The following CSMD1 variants were observed in gnomAD, a reference collection of about 807,000 sequenced individuals.
CSMD1 encodes the protein CUB and sushi domain-containing protein 1.
In CSMD1, 213 loss-of-function variants were observed where a neutral mutation model predicts 417.5. The ratio of observed to expected loss-of-function variants is 0.51; its 90% CI spans 0.46 to 0.57. CSMD1 has a LOEUF of 0.57. Ranked by LOEUF, CSMD1 falls within the 20% of genes least tolerant of loss-of-function variation. The pLI is 0.00. For missense variants in CSMD1, 6,923 were observed against 4,529.7 expected (o/e 1.53, Z -15.17); for synonymous variants, 2,862 against 1,736.8 (o/e 1.65, Z -16.11).
intron 10 of CSMD1, among the ~76,000 whole-genome samples, chr8:3,560,157 C>G (rs1464900509): frequency 6.6e-6 from 1 of 152,130 alleles, no homozygotes; most frequent in Non-Finnish European, 1.5e-5. Flanking sequence ...TATAACTTAT[C>G]TCTGTAAGGC....
chr8:3,954,416 G>C (rs1050431216), intron 5 of CSMD1, among the ~76,000 whole-genome samples: 1 of 152,158 alleles, frequency 6.6e-6, no homozygotes, highest in Non-Finnish European at 1.5e-5. Flanking sequence ...AGGCTGGAGT[G>C]CAGTGGCGGT....
chr8:4,427,220 A>G (rs1797609934), intron 2 of CSMD1, among the ~76,000 whole-genome samples: 1 of 152,182 alleles, frequency 6.6e-6, no homozygotes, highest in African/African-American at 2.4e-5. Flanking sequence ...TGAGCCCAAG[A>G]GAGGCACACG....
chr8:4,674,121 C>T (rs548727780), intron 1 of CSMD1, among the ~76,000 whole-genome samples: 6 of 152,204 alleles, frequency 3.9e-5, no homozygotes, highest in African/African-American at 1.4e-4. Context: ...CAAACATTGG[C>T]CATCTCACAG....
chr8:4,971,213 G>C (rs1810217852), intron 1 of CSMD1, among the ~76,000 whole-genome samples: 3 of 151,934 alleles, frequency 2.0e-5, no homozygotes, highest in Non-Finnish European at 4.4e-5. Context: ...TGATATTAAT[G>C]ATATCCAGTA....
chr8:3,834,649 T>G (rs999067886), intron 5 of CSMD1, among the ~76,000 whole-genome samples: 5 of 152,180 alleles, frequency 3.3e-5, no homozygotes, highest in Non-Finnish European at 7.3e-5. Context: ...TAGTAAATTA[T>G]CAAACCTGAT....
At chr8:4,670,739 G>C (rs928381683) in intron 1 of CSMD1, among the ~76,000 whole-genome samples, 2 of 152,138 alleles carry the variant, frequency 1.3e-5, no homozygotes, top group Non-Finnish European at 2.9e-5. Flanking sequence ...TTGGCTCTAA[G>C]TGGTTGAGAA....
At chr8:3,494,380 G>C (rs955620745) in intron 10 of CSMD1, among the ~76,000 whole-genome samples, 3 of 152,126 alleles carry the variant, frequency 2.0e-5, no homozygotes, top group Admixed American at 1.3e-4. Flanking sequence ...TCTCCTGAAA[G>C]AAGAAATGCT....
intron 5 of CSMD1, among the ~76,000 whole-genome samples, chr8:3,843,145 G>T (rs753314703): frequency 6.6e-6 from 1 of 151,952 alleles, no homozygotes; most frequent in Admixed American, 6.6e-5. Context: ...ACATCTAATG[G>T]AATCAATTCT....
intron 1 of CSMD1, among the ~76,000 whole-genome samples, chr8:4,920,359 T>G (rs940254363): frequency 3.3e-5 from 5 of 152,220 alleles, no homozygotes; most frequent in African/African-American, 1.2e-4. Flanking sequence ...ACAAAGTATT[T>G]AGAGAGAAAA....
At chr8:4,492,462 A>C (rs541490543) in intron 2 of CSMD1, among the ~76,000 whole-genome samples, 1 of 152,340 alleles carries the variant, frequency 6.6e-6, no homozygotes, top group South Asian at 2.1e-4. Flanking sequence ...ACAAGTAAAC[A>C]TGAGCTTAGA....
intron 3 of CSMD1, among the ~76,000 whole-genome samples, chr8:4,244,230 T>C (rs777285145): frequency 8.5e-5 from 13 of 152,132 alleles, no homozygotes; most frequent in Non-Finnish European, 1.6e-4. Flanking sequence ...CAGTAACAGC[T>C]AGGCTTGAAA....
At chr8:4,156,412 C>G (rs543423334) in intron 3 of CSMD1, among the ~76,000 whole-genome samples, 1 of 152,134 alleles carries the variant, frequency 6.6e-6, no homozygotes, top group East Asian at 1.9e-4. Flanking sequence ...CTCAATGAGT[C>G]TCTGTACTGA....
intron 10 of CSMD1, among the ~76,000 whole-genome samples, chr8:3,548,659 T>TACACACACACACACACACAC: frequency 7.5e-6 from 1 of 133,002 alleles, no homozygotes; most frequent in East Asian, 2.3e-4. Flanking sequence ...TATTCCATCA[T>TACACACACACACACACACAC]ACACACACAC....
intron 5 of CSMD1, among the ~76,000 whole-genome samples, chr8:3,790,762 A>C (rs1457542829): frequency 3.9e-5 from 6 of 152,188 alleles, no homozygotes; most frequent in Non-Finnish European, 8.8e-5. Flanking sequence ...TTCAGAAATA[A>C]CTGCTGAGTA....
chr8:3,617,190 G>C (rs1802182878), intron 7 of CSMD1, among the ~76,000 whole-genome samples: 2 of 152,150 alleles, frequency 1.3e-5, no homozygotes, highest in Admixed American at 1.3e-4. Flanking sequence ...GATGACAACA[G>C]AGATGATATT....
chr8:4,722,708 G>A (rs895099242), intron 1 of CSMD1, among the ~76,000 whole-genome samples: 1 of 152,088 alleles, frequency 6.6e-6, no homozygotes, highest in Non-Finnish European at 1.5e-5. Flanking sequence ...TGAATATGAT[G>A]TCAGCTGATT....
intron 1 of CSMD1, among the ~76,000 whole-genome samples, chr8:4,730,997 G>C (rs2061283): frequency 0.36 from 54,674 of 151,896 alleles, 11,192 homozygotes; most frequent in Admixed American, 0.48. Flanking sequence ...GGAGTTCTAT[G>C]TCATGGTTTT....
intron 5 of CSMD1, among the ~76,000 whole-genome samples, chr8:3,983,516 G>C (rs1238834896): frequency 6.6e-6 from 1 of 152,198 alleles, no homozygotes; most frequent in South Asian, 2.1e-4. Flanking sequence ...CTTGGGACAG[G>C]AAACTGCCCT....
intron 2 of CSMD1, among the ~76,000 whole-genome samples, chr8:4,538,325 A>G (rs1009288595): frequency 1.3e-5 from 2 of 151,916 alleles, no homozygotes; most frequent in African/African-American, 2.4e-5. Context: ...TCCAGAGTTC[A>G]TATTTTCTCT....
Sources: gnomAD v4.1 joint callset for allele counts (sites outside exome capture counted in the v4.1 genomes callset) on GRCh38, gnomAD v4.1.1 for gene constraint, MANE v1.5 for transcripts, NCBI Gene and HGNC (gene_info 2026-07-23, HGNC 2026-07-21) for gene names.